The following ZDHHC11B variants were observed in gnomAD, a reference collection of about 807,000 sequenced individuals.
The protein encoded by ZDHHC11B is zDHHC palmitoyltransferase 11B (putative), also known as probable palmitoyltransferase ZDHHC11B.
In ZDHHC11B, 17 loss-of-function variants were observed where a neutral mutation model predicts 42.3. That is an observed-to-expected ratio of 0.40 (90% CI 0.27 to 0.60). ZDHHC11B has a LOEUF of 0.60. Among genes scored for constraint, ZDHHC11B ranks in the 20% least tolerant of loss-of-function variants. The probability of loss-of-function intolerance (pLI) is 0.41; values close to 1 mark genes in which losing one functional copy is unlikely to be tolerated. For synonymous variants in ZDHHC11B, 123 were observed against 193.5 expected (o/e 0.64, Z 3.02); for missense variants, 262 against 463.2 (o/e 0.57, Z 3.99).
At chr5:757,320 A>C (rs1413970819) in intron 4 of ZDHHC11B, among the ~76,000 whole-genome samples, 1 of 151,894 alleles carries the variant, frequency 6.6e-6, no homozygotes, top group Admixed American at 6.6e-5. Flanking sequence ...AGGGGTGAGG[A>C]AGAAGGTGCT....
rs550204458 is a variant in ZDHHC11B at position 746,016 on chromosome 5, T to C, written c.785-718A>G. Among the ~76,000 whole-genome samples the C allele has an allele frequency of 1.1e-3, 171 of 149,884 alleles. 9 individuals are homozygous for C. Among genetic ancestry groups the C allele is most frequent in the African/African-American group, 2.3e-3 (93 of 40,882 alleles). ...GCTCAGCAGGCCGGCCAGAGCCCTA[T>C]CCACCTGGCCTGTCCTGCAGGCAGC... On this transcript the variant is annotated intron_variant, in intron 8 of 13. Coordinates refer to ENST00000508859, the MANE Select transcript of ZDHHC11B (RefSeq NM_001351303.2).
intron 12 of ZDHHC11B, among the ~76,000 whole-genome samples, chr5:722,976 C>G (rs1356560851): frequency 6.6e-6 from 1 of 151,554 alleles, no homozygotes; most frequent in Admixed American, 6.6e-5. Context: ...TGTATGTACT[C>G]TTTAGGAATA....
chr5:772,001 C>G (rs1472334460), intron 1 of ZDHHC11B, among the ~76,000 whole-genome samples: 2 of 151,826 alleles, frequency 1.3e-5, no homozygotes, highest in East Asian at 1.9e-4. Context: ...TTTTGATAAG[C>G]TTGGAGGTTG....
chr5:754,305 C>T lies in ZDHHC11B; in HGVS notation c.503+693G>A, dbSNP rs1167671793. Reference sequence around the variant, plus strand: ...CCGTGCTCAGGGGAAACACCTCTCGCCTATGAGCCTCCACCACGCTCAGGG... The same window carrying T: ...CCGTGCTCAGGGGAAACACCTCTCGTCTATGAGCCTCCACCACGCTCAGGG... On this transcript the variant is annotated intron_variant, in intron 6 of 13. Coordinates refer to ENST00000508859, the MANE Select transcript of ZDHHC11B (RefSeq NM_001351303.2). Among the ~76,000 whole-genome samples, 41 of 118,134 alleles carry T rather than the reference C, an allele frequency of 3.5e-4. 2 individuals are homozygous for T. Among genetic ancestry groups the T allele is most frequent in the African/African-American group, 6.6e-4 (23 of 34,912 alleles). 77.5% of individuals were successfully genotyped at this position (118,134 alleles called of 152,430 possible). A position where few individuals can be genotyped will look rare whatever the true frequency, so the allele number is the denominator to read the frequency against.
chr5:727,998 A>C (rs1393688299), intron 12 of ZDHHC11B, among the ~76,000 whole-genome samples: 1 of 150,472 alleles, frequency 6.6e-6, no homozygotes, highest in Admixed American at 6.6e-5. Context: ...AGACAGACTG[A>C]AAGAAATACG....
At chr5:773,705 GC>G (rs1736239274) in intron 1 of ZDHHC11B, among the ~76,000 whole-genome samples, 1 of 151,836 alleles carries the variant, frequency 6.6e-6, no homozygotes, top group African/African-American at 2.4e-5. Flanking sequence ...CCCTTCCCTG[GC>G]CAAACCCCAC....
chr5:754,358 C>T (rs867149747), intron 6 of ZDHHC11B, among the ~76,000 whole-genome samples: 1 of 126,744 alleles, frequency 7.9e-6, no homozygotes, highest in South Asian at 3.4e-4. Flanking sequence ...TGAGCCTCCA[C>T]CGTGATCAGG....
In ZDHHC11B at chr5:721,559, G is replaced by A. The variant is rs1259593392; in HGVS notation, c.1059-4694C>T. Among the ~76,000 whole-genome samples, 6 of 151,358 alleles carry A rather than the reference G, an allele frequency of 4.0e-5. 1 individual carries two copies. Among genetic ancestry groups the A allele is most frequent in the Non-Finnish European group, 7.4e-5 (5 of 67,910 alleles). On this transcript the variant is annotated intron_variant, in intron 12 of 13. Coordinates refer to ENST00000508859, the MANE Select transcript of ZDHHC11B (RefSeq NM_001351303.2). The stretch of plus-strand genomic sequence containing the variant: ...GGTCCCAGGGGCAAGGGTGAGGAGC[G>A]AGGATGGGGGTGGGATGTGAGGTTA...
intron 13 of ZDHHC11B, among the ~76,000 whole-genome samples, chr5:716,258 T>G (rs1247392825): frequency 6.6e-6 from 1 of 151,274 alleles, no homozygotes; most frequent in East Asian, 1.9e-4. Flanking sequence ...GTCTGGATGG[T>G]TTGCCAACTC....
chr5:775,278 C>T (rs1286563276), intron 1 of ZDHHC11B, among the ~76,000 whole-genome samples: 1 of 151,948 alleles, frequency 6.6e-6, no homozygotes, highest in African/African-American at 2.4e-5. Context: ...CCGCTGACCC[C>T]CAGAGCTCGC....
At position 753,561 on chromosome 5, in the gene ZDHHC11B, G is replaced by A. The variant is rs1180863105; in HGVS notation, c.503+1437C>T. Among the ~76,000 whole-genome samples, 546 of 144,784 alleles carry A rather than the reference G, an allele frequency of 3.8e-3. 4 individuals carry two copies. Among genetic ancestry groups the A allele is most frequent in the African/African-American group, 0.013 (520 of 40,162 alleles). 95.0% of individuals were successfully genotyped at this position (144,784 alleles called of 152,430 possible). A position where few individuals can be genotyped will look rare whatever the true frequency, so the allele number is the denominator to read the frequency against. ...GACCCGCCAGATTGAGCCAGCTCGA[G>A]GCACCAGAGCAGAATGAGTCCAGAA... On this transcript the variant is annotated intron_variant, in intron 6 of 13. Coordinates refer to ENST00000508859, the MANE Select transcript of ZDHHC11B (RefSeq NM_001351303.2).
rs1167162896 is a variant in ZDHHC11B at position 751,590 on chromosome 5, C to T, written c.504-333G>A. Among the ~76,000 whole-genome samples the T allele has an allele frequency of 4.9e-5, 6 of 121,748 alleles. 2 individuals carry two copies. Among genetic ancestry groups the T allele is most frequent in the Non-Finnish European group, 9.2e-5 (5 of 54,446 alleles). The allele number at this position is 121,748 out of a possible 152,430, so 79.9% of individuals were successfully genotyped here. The stretch of plus-strand genomic sequence containing the variant: ...GGGGGTGCAGAGGCAGGGATGGGGA[C>T]GCGCAGGGCATCTGGAGCCCGCAGG... On this transcript the variant is annotated intron_variant, in intron 6 of 13. Transcript: ENST00000508859.
chr5:749,940 C>T (rs1745384535), intron 7 of ZDHHC11B, among the ~76,000 whole-genome samples: 2 of 122,486 alleles, frequency 1.6e-5, no homozygotes, highest in Admixed American at 1.9e-4. Context: ...GGCTGTGAGG[C>T]CCTGGAGGCA....
intron 10 of ZDHHC11B, among the ~76,000 whole-genome samples, chr5:737,754 C>T (rs528288349): frequency 2.0e-5 from 3 of 149,270 alleles, no homozygotes; most frequent in African/African-American, 7.5e-5. Flanking sequence ...CTCTGCCATC[C>T]CTTTATAATA....
At chr5:742,053 T>C (rs1209239169) in intron 9 of ZDHHC11B, among the ~76,000 whole-genome samples, 2 of 132,678 alleles carry the variant, frequency 1.5e-5, no homozygotes, top group African/African-American at 5.5e-5. Flanking sequence ...TAGAATGATG[T>C]TGAGCATTTT....
chr5:716,639 C>T (rs7724032), intron 13 of ZDHHC11B, among the ~76,000 whole-genome samples, 162 bp downstream of exon 13: 11,746 of 150,870 alleles, frequency 0.078, 532 homozygotes, highest in East Asian at 0.23. Flanking sequence ...TAAAGATGGA[C>T]ACACGGTTCC....
intron 12 of ZDHHC11B, among the ~76,000 whole-genome samples, chr5:721,585 A>G (rs1203603499): frequency 4.0e-5 from 6 of 151,450 alleles, no homozygotes; most frequent in Non-Finnish European, 8.8e-5. Context: ...TGTGAGGTTA[A>G]GCACAAGGGT....
At chr5:778,730 A>G (rs1313765523) in intron 1 of ZDHHC11B, among the ~76,000 whole-genome samples, 9 of 151,974 alleles carry the variant, frequency 5.9e-5, no homozygotes, top group African/African-American at 2.2e-4. Context: ...TGGATTATCC[A>G]CAGCTGAGCC....
chr5:742,804 G>A (rs1308830365), intron 9 of ZDHHC11B, among the ~76,000 whole-genome samples: 3 of 148,938 alleles, frequency 2.0e-5, no homozygotes, highest in African/African-American at 7.4e-5. Context: ...TCTTAATGGT[G>A]ACTTTTGAAG....
Sources: allele counts gnomAD v4.1 joint callset (sites outside exome capture counted in the v4.1 genomes callset), GRCh38; gene constraint gnomAD v4.1.1; transcripts MANE v1.5; gene names NCBI Gene and HGNC (gene_info 2026-07-23, HGNC 2026-07-21).